HOGA1: variants seen among roughly 807,000 people sequenced by gnomAD.
The protein encoded by HOGA1 is 4-hydroxy-2-oxoglutarate aldolase 1, also known as 4-hydroxy-2-oxoglutarate aldolase, mitochondrial.
Under a neutral mutation model 34.3 loss-of-function variants are expected in HOGA1, and 30 were observed. That is an observed-to-expected ratio of 0.87 (90% CI 0.65 to 1.19). The LOEUF is 1.19. HOGA1 is among the 50% of genes most tolerant of loss of function. The pLI, the probability that HOGA1 is intolerant of heterozygous loss-of-function variation, is 0.00. For synonymous variants in HOGA1, 161 were observed against 174.0 expected (o/e 0.93, Z 0.59); for missense variants, 417 against 436.5 (o/e 0.96, Z 0.40).
intron 1 of HOGA1, among the ~76,000 whole-genome samples, chr10:97,592,340 A>G (rs189838201): frequency 0.024 from 3,518 of 148,354 alleles, 57 homozygotes; most frequent in Non-Finnish European, 0.036. Context: ...TCCCGGGTTC[A>G]TGCCATTCTC....
At chr10:97,592,240 CTTTT>C (rs370993111) in intron 1 of HOGA1, among the ~76,000 whole-genome samples, 2 of 121,082 alleles carry the variant, frequency 1.7e-5, no homozygotes, top group African/African-American at 6.0e-5. Context: ...AATCCCTGTA[CTTTT>C]TTTTTTTTTT....
At chr10:97,586,396 G>T (rs990337630) in intron 1 of HOGA1, among the ~76,000 whole-genome samples, 3 of 152,206 alleles carry the variant, frequency 2.0e-5, no homozygotes, top group Non-Finnish European at 4.4e-5. Context: ...GTGACCCCTG[G>T]CCTGATGGAC....
Position 97,584,578 on chromosome 10 carries a change from GC to G in HOGA1, c.-124del. ...CACCCAGCTCAGGCCTGCCCCAGTG[GC>G]CACAAGTCAGGGAGGCCGCAAATTT... is the stretch of plus-strand genomic sequence containing the variant. On this transcript the variant is annotated 5_prime_UTR_variant, in exon 1 of 7. Coordinates refer to ENST00000370646, the MANE Select transcript of HOGA1 (RefSeq NM_138413.4). The G allele has an allele frequency of 1.2e-6, 1 of 847,808 alleles. No individual in the cohort carries two copies. Among genetic ancestry groups the G allele is most frequent in the Non-Finnish European group, 1.9e-6 (1 of 532,014 alleles). The allele number at this position is 847,808 out of a possible 1,614,324, so 52.5% of individuals were successfully genotyped here. A position where few individuals can be genotyped will look rare whatever the true frequency, so the allele number is the denominator to read the frequency against.
intron 1 of HOGA1, chr10:97,589,990 T>C (rs747569609): frequency 5.0e-6 from 8 of 1,614,112 alleles, no homozygotes; most frequent in Middle Eastern, 3.3e-4. Context: ...AAGCAAAGAA[T>C]GAAAGCTGGA....
intron 6 of HOGA1, among the ~76,000 whole-genome samples, chr10:97,609,218 C>T (rs1007920443): frequency 3.9e-5 from 6 of 152,142 alleles, no homozygotes; most frequent in African/African-American, 1.2e-4. Flanking sequence ...CCTCTGAAAA[C>T]GAAGGTCCCA....
intron 6 of HOGA1, among the ~76,000 whole-genome samples, chr10:97,608,983 A>G (rs2041177441): frequency 6.6e-6 from 1 of 152,138 alleles, no homozygotes; most frequent in African/African-American, 2.4e-5. Flanking sequence ...GCTCCCTCAC[A>G]GCTGTATCCT....
chr10:97,604,288 T>G (rs757722217), intron 6 of HOGA1, among the ~76,000 whole-genome samples: 1 of 152,128 alleles, frequency 6.6e-6, no homozygotes, highest in Non-Finnish European at 1.5e-5. Flanking sequence ...TATTTCTGAG[T>G]AGGATACCAT....
At chr10:97,602,251 C>A in intron 6 of HOGA1, 1 of 1,451,854 alleles carries the variant, frequency 6.9e-7, no homozygotes, top group Non-Finnish European at 9.2e-7. Flanking sequence ...CTTTTGGGCC[C>A]AAGAAGATGC....
Position 97,599,085 on chromosome 10 carries a change from G to GCAGC in HOGA1, c.341-1_343dup. 6.2e-7 allele frequency: 1 copy of GCAGC among 1,612,352 alleles called. No individual in the cohort carries two copies. The highest frequency in any genetic ancestry group is 2.2e-5 in the East Asian group (1 of 44,862). On this transcript the variant is annotated splice_polypyrimidine_tract_variant and splice_region_variant and intron_variant, in intron 2 of 6. Coordinates refer to ENST00000370646, the MANE Select transcript of HOGA1 (RefSeq NM_138413.4). Reference sequence around the variant, plus strand: ...TGCTCTCACCTCTCTCCTTCCTCTGGCAGCCACTCAAGCCACAGTGGAGAT... The same window carrying GCAGC: ...TGCTCTCACCTCTCTCCTTCCTCTGGCAGCCAGCCACTCAAGCCACAGTGGAGAT...
At position 97,599,952 on chromosome 10, in the gene HOGA1, G is replaced by A; in HGVS notation, c.604-115G>A. The A allele has an allele frequency of 2.0e-6, 3 of 1,507,076 alleles. No homozygotes were observed. In the South Asian group the frequency reaches 3.4e-5, roughly 17 times the overall value. The allele number at this position is 1,507,076 out of a possible 1,614,324, so 93.4% of individuals were successfully genotyped here. On this transcript the variant is annotated intron_variant, in intron 4 of 6. Coordinates refer to ENST00000370646, the MANE Select transcript of HOGA1 (RefSeq NM_138413.4). Reference sequence around the variant, plus strand: ...TTCTCTCTGTCGTGCGGGCTCTCTGGGACTTTCTTGAGGGCATCTCTTTGA... The same window carrying A: ...TTCTCTCTGTCGTGCGGGCTCTCTGAGACTTTCTTGAGGGCATCTCTTTGA...
At position 97,611,890 on chromosome 10, in the gene HOGA1, C is replaced by G. The variant is rs1209651168; in HGVS notation, c.*231C>G. 1.7e-6 allele frequency: 1 copy of G among 573,934 alleles called. No individual in the cohort carries two copies. Among genetic ancestry groups the G allele is most frequent in the Admixed American group, 3.0e-5 (1 of 33,018 alleles). The allele number at this position is 573,934 out of a possible 1,614,324, so 35.6% of individuals were successfully genotyped here. On this transcript the variant is annotated 3_prime_UTR_variant, in exon 7 of 7. Transcript: ENST00000370646. ...TTGGATCCTAAACTGTGTCTCTGGT[C>G]TGAAGACTGGGAAGGAGCAATTTCT... is the stretch of plus-strand genomic sequence containing the variant.
intron 1 of HOGA1, chr10:97,590,428 G>A (rs140364165): frequency 2.6e-4 from 426 of 1,613,966 alleles, no homozygotes; most frequent in Non-Finnish European, 3.4e-4. Flanking sequence ...TAGAGATGAA[G>A]CTGCAAAAGA....
Position 97,611,838 on chromosome 10 carries a change from ATTC to A in HOGA1, c.*181_*183del. 4 of 655,184 alleles carry A rather than the reference ATTC, an allele frequency of 6.1e-6. No homozygotes were observed. Among genetic ancestry groups the A allele is most frequent in the Non-Finnish European group, 1.0e-5 (4 of 381,342 alleles). 40.6% of individuals were successfully genotyped at this position (655,184 alleles called of 1,614,324 possible). A position where few individuals can be genotyped will look rare whatever the true frequency, so the allele number is the denominator to read the frequency against. On this transcript the variant is annotated 3_prime_UTR_variant, in exon 7 of 7. Transcript: ENST00000370646. ...ACAGGCACGCCCATGCATATCTCCT[ATTC>A]TAACGGCCCCTGACCTCTCCCTTTT...
rs114443671 is a variant in HOGA1 at position 97,611,757 on chromosome 10, C to T, written c.*98C>T. 5.8e-4 allele frequency: 840 copies of T among 1,442,424 alleles called. 5 individuals are homozygous for T. The African/African-American group carries it at 0.01, about 18-fold the overall frequency. 89.4% of individuals were successfully genotyped at this position (1,442,424 alleles called of 1,614,324 possible). On this transcript the variant is annotated 3_prime_UTR_variant, in exon 7 of 7. Coordinates refer to ENST00000370646, the MANE Select transcript of HOGA1 (RefSeq NM_138413.4). ...AGCACAGGGGGATGAGGGTGGCAGG[C>T]AGCGGGGAGCCGATAGAGGCTCCTT...
intron 1 of HOGA1, 70 bp downstream of exon 1, chr10:97,584,984 G>T: frequency 7.6e-7 from 1 of 1,315,612 alleles, no homozygotes; most frequent in Non-Finnish European, 1.1e-6. Context: ...CCAAGGGAGG[G>T]TACACAGGCT....
chr10:97,586,097 A>G (rs986931963), intron 1 of HOGA1, among the ~76,000 whole-genome samples: 3 of 149,586 alleles, frequency 2.0e-5, no homozygotes, highest in African/African-American at 7.4e-5. Flanking sequence ...AGATCATACC[A>G]TTGCACTCTA....
intron 1 of HOGA1, among the ~76,000 whole-genome samples, chr10:97,592,990 A>T (rs2135717149): frequency 7.0e-6 from 1 of 142,194 alleles, no homozygotes; most frequent in Middle Eastern, 4.0e-3. Flanking sequence ...TGATCGCTCC[A>T]CTGCACTTTA....
intron 6 of HOGA1, among the ~76,000 whole-genome samples, chr10:97,609,479 T>G (rs1745174045): frequency 1.3e-5 from 2 of 152,112 alleles, no homozygotes; most frequent in African/African-American, 2.4e-5. Flanking sequence ...CTGTGTCCTC[T>G]CCTGTGCCAG....
Position 97,595,416 on chromosome 10 carries a change from T to G in HOGA1, c.212-3359T>G, listed in dbSNP as rs188945440. ...AAACTTCAAAACAACTCTGAGAGGC[T>G]GGGTGTGATGGCTCATGCCCATAAT... On this transcript the variant is annotated intron_variant, in intron 1 of 6. Transcript: ENST00000370646. 1.8e-4 allele frequency among the ~76,000 whole-genome samples: 28 copies of G among 152,336 alleles called. No individual in the cohort carries two copies. The East Asian group carries it at 5.2e-3, about 28-fold the overall frequency.
Sources: allele counts gnomAD v4.1 joint callset (sites outside exome capture counted in the v4.1 genomes callset), GRCh38; gene constraint gnomAD v4.1.1; transcripts MANE v1.5; gene names NCBI Gene and HGNC (gene_info 2026-07-23, HGNC 2026-07-21).